KHDRBS2: variants seen among roughly 807,000 people sequenced by gnomAD.
KHDRBS2 encodes the protein KH domain-containing, RNA-binding, signal transduction-associated protein 2.
A neutral mutation model predicts 44.3 loss-of-function variants in KHDRBS2; 26 were observed. That is an observed-to-expected ratio of 0.59 (90% CI 0.43 to 0.81). The LOEUF is 0.81. Ranked by LOEUF, KHDRBS2 falls within the 40% of genes least tolerant of loss-of-function variation. KHDRBS2 has a pLI of 0.00. For synonymous variants in KHDRBS2, 194 were observed against 151.1 expected (o/e 1.28, Z -2.08); for missense variants, 476 against 433.1 (o/e 1.10, Z -0.88).
At chr6:62,095,969 C>T (rs1473195740) in intron 2 of KHDRBS2, among the ~76,000 whole-genome samples, 1 of 151,798 alleles carries the variant, frequency 6.6e-6, no homozygotes, top group Non-Finnish European at 1.5e-5. Flanking sequence ...TTCATCTATT[C>T]GGATGATCAT....
At chr6:61,774,932 G>C (rs540017488) in intron 6 of KHDRBS2, among the ~76,000 whole-genome samples, 2 of 151,990 alleles carry the variant, frequency 1.3e-5, no homozygotes, top group African/African-American at 4.8e-5. Context: ...ACATCAAAAG[G>C]CTCATCCACC....
chr6:62,053,356 G>GA (rs948186839), intron 2 of KHDRBS2, among the ~76,000 whole-genome samples: 130 of 143,546 alleles, frequency 9.1e-4, no homozygotes, highest in Middle Eastern at 3.5e-3. Context: ...ACTCATAAAA[G>GA]AAAAAAAAAA....
chr6:61,828,396 G>T (rs367811275), intron 6 of KHDRBS2, among the ~76,000 whole-genome samples: 20 of 152,160 alleles, frequency 1.3e-4, no homozygotes, highest in African/African-American at 4.6e-4. Context: ...GGCCTGAAAG[G>T]TTCCAATTAG....
intron 6 of KHDRBS2, among the ~76,000 whole-genome samples, chr6:61,770,717 A>G (rs1205677355): frequency 6.6e-6 from 1 of 152,236 alleles, no homozygotes; most frequent in Non-Finnish European, 1.5e-5. Context: ...TGATTGGTGT[A>G]CCTGAAAGTG....
intron 1 of KHDRBS2, among the ~76,000 whole-genome samples, chr6:62,241,426 T>C (rs1834648200): frequency 6.6e-6 from 1 of 152,142 alleles, no homozygotes; most frequent in Non-Finnish European, 1.5e-5. Flanking sequence ...AAATAGTTCA[T>C]TTAAATAGAA....
intron 1 of KHDRBS2, among the ~76,000 whole-genome samples, chr6:62,220,489 A>G (rs1830729201): frequency 6.6e-6 from 1 of 151,938 alleles, no homozygotes; most frequent in Admixed American, 6.6e-5. Context: ...GCAAATGCAC[A>G]CACAAGTACA....
At chr6:61,838,271 T>G (rs1793036653) in intron 6 of KHDRBS2, among the ~76,000 whole-genome samples, 2 of 152,154 alleles carry the variant, frequency 1.3e-5, no homozygotes, top group South Asian at 2.1e-4. Context: ...TAAATATCAA[T>G]TTTTGAGATG....
At chr6:61,700,220 T>C (rs1197131799) in intron 7 of KHDRBS2, among the ~76,000 whole-genome samples, 1 of 151,824 alleles carries the variant, frequency 6.6e-6, no homozygotes, top group African/African-American at 2.4e-5. Flanking sequence ...TTCCCCAAAG[T>C]GTGCTATGTA....
At chr6:62,281,585 A>G (rs1841809079) in intron 1 of KHDRBS2, among the ~76,000 whole-genome samples, 1 of 152,100 alleles carries the variant, frequency 6.6e-6, no homozygotes, top group Non-Finnish European at 1.5e-5. Context: ...GCACCACTTC[A>G]CTCTAACCTG....
chr6:61,936,125 T>G (rs1462889785), intron 4 of KHDRBS2, among the ~76,000 whole-genome samples: 1 of 152,124 alleles, frequency 6.6e-6, no homozygotes, highest in Non-Finnish European at 1.5e-5. Flanking sequence ...AAAACTGTTC[T>G]TAAAGCTCTA....
At chr6:61,743,817 C>A (rs1478430165) in intron 6 of KHDRBS2, among the ~76,000 whole-genome samples, 5 of 125,912 alleles carry the variant, frequency 4.0e-5, no homozygotes, top group Admixed American at 1.9e-4. Flanking sequence ...GTGTGATGTT[C>A]CCCTTCCTGT....
intron 2 of KHDRBS2, among the ~76,000 whole-genome samples, chr6:62,108,116 CT>C (rs1348713801): frequency 6.6e-6 from 1 of 152,074 alleles, no homozygotes; most frequent in Admixed American, 6.5e-5. Flanking sequence ...AACTAAAGAG[CT>C]TCTGCACAGC....
the KHDRBS2 span, among the ~76,000 whole-genome samples, chr6:61,657,365 A>C: frequency 6.6e-6 from 1 of 152,022 alleles, no homozygotes; most frequent in African/African-American, 2.4e-5. Context: ...TCTTCTTCTT[A>C]TTTTCACCCT....
intron 1 of KHDRBS2, among the ~76,000 whole-genome samples, chr6:62,275,008 TAC>T (rs145870587): frequency 0.045 from 6,404 of 142,364 alleles, 152 homozygotes; most frequent in Middle Eastern, 0.077. Context: ...GCTCATCAAA[TAC>T]ACACACACAC....
chr6:61,648,417 A>G, the KHDRBS2 span, among the ~76,000 whole-genome samples: 1 of 152,154 alleles, frequency 6.6e-6, no homozygotes, highest in Non-Finnish European at 1.5e-5. Flanking sequence ...TTCCCCAGTC[A>G]TTTGAAGTCC....
chr6:61,572,644 A>T, the KHDRBS2 span, among the ~76,000 whole-genome samples: 1 of 152,218 alleles, frequency 6.6e-6, no homozygotes, highest in East Asian at 1.9e-4. Flanking sequence ...GTTTCATAAC[A>T]GGGATGCAGC....
the KHDRBS2 span, among the ~76,000 whole-genome samples, chr6:61,555,425 T>A: frequency 6.6e-6 from 1 of 152,234 alleles, no homozygotes; most frequent in Non-Finnish European, 1.5e-5. Flanking sequence ...TTGTATTCTT[T>A]AGAATCCATG....
At chr6:61,707,783 T>C (rs1266253455) in intron 7 of KHDRBS2, among the ~76,000 whole-genome samples, 1 of 151,654 alleles carries the variant, frequency 6.6e-6, no homozygotes, top group East Asian at 1.9e-4. Flanking sequence ...AGAAATGAAA[T>C]GCTCTGAGTC....
At chr6:61,589,798 G>A in the KHDRBS2 span, among the ~76,000 whole-genome samples, 1 of 152,132 alleles carries the variant, frequency 6.6e-6, no homozygotes, top group Non-Finnish European at 1.5e-5. Context: ...TCTTTTTAGT[G>A]ATATTTCACT....
Sources: gnomAD v4.1 joint callset for allele counts (sites outside exome capture counted in the v4.1 genomes callset) on GRCh38, gnomAD v4.1.1 for gene constraint, MANE v1.5 for transcripts, NCBI Gene and HGNC (gene_info 2026-07-23, HGNC 2026-07-21) for gene names.